Variants in DCLK1 observed in about 807,000 individuals in gnomAD.
DCLK1 encodes the protein doublecortin like kinase 1.
A neutral mutation model predicts 86.2 loss-of-function variants in DCLK1; 16 were observed. That is an observed-to-expected ratio of 0.19 (90% CI 0.13 to 0.28). The LOEUF is 0.28. Among genes scored for constraint, DCLK1 ranks in the 10% least tolerant of loss-of-function variants. The probability of loss-of-function intolerance (pLI) is 1.00; values close to 1 mark genes in which losing one functional copy is unlikely to be tolerated. For synonymous variants in DCLK1, 369 were observed against 370.5 expected (o/e 1.00, Z 0.05); for missense variants, 590 against 940.2 (o/e 0.63, Z 4.87).
intron 4 of DCLK1, among the ~76,000 whole-genome samples, chr13:35,887,095 G>A (rs1873316212): frequency 6.6e-6 from 1 of 152,218 alleles, no homozygotes; most frequent in Non-Finnish European, 1.5e-5. Flanking sequence ...TTGGCAAAAT[G>A]AGACTCTGTC....
At chr13:35,805,088 A>T (rs1297501347) in intron 15 of DCLK1, among the ~76,000 whole-genome samples, 2 of 152,204 alleles carry the variant, frequency 1.3e-5, no homozygotes, top group Non-Finnish European at 2.9e-5. Context: ...AAAGTCTGTT[A>T]TGCCTTCTTG....
chr13:35,976,448 C>G (rs376756640), intron 3 of DCLK1, among the ~76,000 whole-genome samples: 7 of 151,136 alleles, frequency 4.6e-5, no homozygotes, highest in African/African-American at 1.5e-4. Flanking sequence ...GCAGATGATG[C>G]TTAAGCCTGT....
chr13:36,087,346 A>G (rs777616138), intron 3 of DCLK1, among the ~76,000 whole-genome samples: 3 of 152,230 alleles, frequency 2.0e-5, no homozygotes, highest in Non-Finnish European at 4.4e-5. Context: ...TGGACTGCAA[A>G]GTACACAACA....
At chr13:35,843,663 T>C (rs990436487) in intron 6 of DCLK1, among the ~76,000 whole-genome samples, 1 of 152,196 alleles carries the variant, frequency 6.6e-6, no homozygotes, top group East Asian at 1.9e-4. Context: ...CTAATCAAGG[T>C]AGAAAAATCT....
chr13:36,071,219 G>C (rs1327189733), intron 3 of DCLK1, among the ~76,000 whole-genome samples: 1 of 151,888 alleles, frequency 6.6e-6, no homozygotes, highest in Non-Finnish European at 1.5e-5. Flanking sequence ...CCATGAAATT[G>C]AACACTTAAA....
At chr13:36,086,546 C>T (rs1884611186) in intron 3 of DCLK1, among the ~76,000 whole-genome samples, 1 of 149,696 alleles carries the variant, frequency 6.7e-6, no homozygotes, top group South Asian at 2.1e-4. Context: ...TGGTGGTTTG[C>T]TGCACCCATC....
intron 8 of DCLK1, among the ~76,000 whole-genome samples, chr13:35,828,557 A>G (rs1868677864): frequency 6.6e-6 from 1 of 152,190 alleles, no homozygotes; most frequent in Non-Finnish European, 1.5e-5. Flanking sequence ...TACTTGTAAT[A>G]AAAACACTAG....
intron 15 of DCLK1, among the ~76,000 whole-genome samples, chr13:35,797,642 G>A (rs2086838408): frequency 6.6e-6 from 1 of 152,052 alleles, no homozygotes; most frequent in African/African-American, 2.4e-5. Flanking sequence ...CTCAGCTGGA[G>A]TAGGTAAAAC....
chr13:36,085,138 C>A (rs1418048899), intron 3 of DCLK1, among the ~76,000 whole-genome samples: 2 of 152,082 alleles, frequency 1.3e-5, no homozygotes, highest in Non-Finnish European at 2.9e-5. Context: ...TTATGTAAAT[C>A]AAATACACTA....
At chr13:36,101,637 T>C (rs769196881) in intron 3 of DCLK1, among the ~76,000 whole-genome samples, 5 of 151,992 alleles carry the variant, frequency 3.3e-5, no homozygotes, top group Admixed American at 6.6e-5. Context: ...TCTGACTCAG[T>C]AGGTCTGTGT....
intron 4 of DCLK1, among the ~76,000 whole-genome samples, chr13:35,926,467 G>C (rs905157410): frequency 6.6e-6 from 1 of 152,196 alleles, no homozygotes; most frequent in African/African-American, 2.4e-5. Flanking sequence ...AGCAGCCCTT[G>C]TACCATTTTC....
chr13:36,018,187 A>G (rs1425108404), intron 3 of DCLK1, among the ~76,000 whole-genome samples: 2 of 152,240 alleles, frequency 1.3e-5, no homozygotes, highest in African/African-American at 4.8e-5. Flanking sequence ...ACTACACATT[A>G]TGATTGTAAA....
At chr13:35,823,145 A>T (rs1302200559) in intron 10 of DCLK1, among the ~76,000 whole-genome samples, 1 of 152,144 alleles carries the variant, frequency 6.6e-6, no homozygotes, top group Non-Finnish European at 1.5e-5. Context: ...CCATTTCCAC[A>T]GATCCCAGCT....
chr13:35,873,430 G>T (rs1311652796), intron 4 of DCLK1, among the ~76,000 whole-genome samples: 2 of 151,754 alleles, frequency 1.3e-5, no homozygotes, highest in Non-Finnish European at 2.9e-5. Flanking sequence ...TGTTGCCCAG[G>T]CTGGAGTGCA....
At chr13:36,115,743 T>C (rs1274166031) in intron 2 of DCLK1, among the ~76,000 whole-genome samples, 3 of 151,738 alleles carry the variant, frequency 2.0e-5, no homozygotes, top group Admixed American at 6.6e-5. Context: ...ATGACAGTTT[T>C]TTTAAAAGTA....
At chr13:35,958,700 T>G (rs117487052) in intron 3 of DCLK1, among the ~76,000 whole-genome samples, 1,628 of 152,332 alleles carry the variant, frequency 0.011, 17 homozygotes, top group Non-Finnish European at 0.018. Flanking sequence ...AGTCTGTGTT[T>G]TGCTCACAAA....
intron 3 of DCLK1, among the ~76,000 whole-genome samples, chr13:36,047,200 A>C (rs1882946674): frequency 6.6e-6 from 1 of 152,230 alleles, no homozygotes; most frequent in African/African-American, 2.4e-5. Context: ...GAGGATGTGG[A>C]GAAAAGGGAA....
intron 4 of DCLK1, among the ~76,000 whole-genome samples, chr13:35,929,898 T>C (rs983288507): frequency 2.0e-5 from 3 of 151,774 alleles, no homozygotes; most frequent in Admixed American, 2.0e-4. Flanking sequence ...TATCTATGTG[T>C]TTATTTTCCA....
intron 3 of DCLK1, among the ~76,000 whole-genome samples, chr13:36,003,864 T>A (rs969989202): frequency 1.3e-5 from 2 of 152,234 alleles, no homozygotes; most frequent in Admixed American, 6.5e-5. Flanking sequence ...CATTTTCTGT[T>A]GCCAATTTTT....
Sources: allele counts gnomAD v4.1 joint callset (sites outside exome capture counted in the v4.1 genomes callset), GRCh38; gene constraint gnomAD v4.1.1; transcripts MANE v1.5; gene names NCBI Gene and HGNC (gene_info 2026-07-23, HGNC 2026-07-21).